EPS15: variants seen among roughly 807,000 people sequenced by gnomAD.
The protein encoded by EPS15 is epidermal growth factor receptor substrate 15.
Under a neutral mutation model 113.8 loss-of-function variants are expected in EPS15, and 72 were observed. The observed-to-expected ratio is 0.63, with a 90% CI of 0.52 to 0.77. The LOEUF (loss-of-function observed/expected upper bound fraction) is 0.77, where lower values mean the gene tolerates loss of function less well. Ranked by LOEUF, EPS15 falls within the 30% of genes least tolerant of loss-of-function variation. The probability of loss-of-function intolerance (pLI) is 0.00; values close to 1 mark genes in which losing one functional copy is unlikely to be tolerated. For missense variants in EPS15, 1,048 were observed against 1,045.8 expected, an observed-to-expected ratio of 1.00 and a Z score of -0.03; for synonymous variants, 344 against 363.4, an observed-to-expected ratio of 0.95 and a Z score of 0.61.
At chr1:51,402,580 A>G (rs1475444984) in intron 17 of EPS15, 55 bp from the exon 18 acceptor site, 1 of 933,310 alleles carries the variant, frequency 1.1e-6, no homozygotes, top group African/African-American at 1.7e-5. Context: ...TTTAAAAGGT[A>G]ACATTTTAAA....
In EPS15 at chr1:51,354,829, T is replaced by C. The variant is rs1257915934; in HGVS notation, c.*1871A>G. On this transcript the variant is annotated 3_prime_UTR_variant, in exon 25 of 25. Transcript: ENST00000371733. ...TAGGATACATTTATTACATTGAAAGTTGGTGTTTATAAGTTATAGATATTT... is the reference window on the plus strand; with the variant it reads ...TAGGATACATTTATTACATTGAAAGCTGGTGTTTATAAGTTATAGATATTT... 5.0e-6 allele frequency: 1 copy of C among 199,932 alleles called. No homozygotes were observed. The allele number at this position is 199,932 out of a possible 1,614,324, so 12.4% of individuals were successfully genotyped here.
intron 12 of EPS15, among the ~76,000 whole-genome samples, chr1:51,431,472 G>A (rs550004709): frequency 6.6e-6 from 1 of 151,212 alleles, no homozygotes; most frequent in East Asian, 1.9e-4. Context: ...TGGAGACAGA[G>A]TCTCACTCTG....
intron 21 of EPS15, among the ~76,000 whole-genome samples, chr1:51,368,598 CTTTTTTT>C (rs1228266658): frequency 7.2e-6 from 1 of 139,666 alleles, no homozygotes; most frequent in Non-Finnish European, 1.6e-5. Flanking sequence ...TTTTTTGTTT[CTTTTTTT>C]TTTTTTTTGG....
At chr1:51,439,573 T>C (rs1484793749) in intron 12 of EPS15, among the ~76,000 whole-genome samples, 1 of 152,108 alleles carries the variant, frequency 6.6e-6, no homozygotes, top group African/African-American at 2.4e-5. Flanking sequence ...TTATAGTCAT[T>C]TTTACAATCA....
chr1:51,391,168 C>T (rs1287434897), intron 21 of EPS15, among the ~76,000 whole-genome samples: 2 of 152,080 alleles, frequency 1.3e-5, no homozygotes, highest in East Asian at 3.9e-4. Flanking sequence ...TTTGTAGGGA[C>T]ATGGATGAAA....
intron 8 of EPS15, chr1:51,458,607 C>A: frequency 2.3e-6 from 1 of 431,794 alleles, no homozygotes; most frequent in African/African-American, 2.1e-5. Context: ...GGTGGTGGTG[C>A]ATGCCTGTAA....
intron 1 of EPS15, among the ~76,000 whole-genome samples, 165 bp from the exon 2 acceptor site, chr1:51,481,479 T>G (rs79239027): frequency 6.6e-6 from 1 of 152,264 alleles, no homozygotes; most frequent in East Asian, 1.9e-4. Context: ...AGACAGAGAA[T>G]AGATAAAGAT....
At chr1:51,380,287 T>A (rs995878331) in intron 21 of EPS15, among the ~76,000 whole-genome samples, 1 of 151,848 alleles carries the variant, frequency 6.6e-6, no homozygotes, top group African/African-American at 2.4e-5. Flanking sequence ...TGAAAGGATG[T>A]TAGACACCAA....
At chr1:51,511,240 T>C (rs72674568) in intron 1 of EPS15, among the ~76,000 whole-genome samples, 3,236 of 151,388 alleles carry the variant, frequency 0.021, 52 homozygotes, top group Non-Finnish European at 0.031. Flanking sequence ...CACACTATAA[T>C]CTCAATACTT....
chr1:51,426,452 GCTC>G (rs767056489), intron 12 of EPS15, among the ~76,000 whole-genome samples: 52 of 148,950 alleles, frequency 3.5e-4, no homozygotes, highest in Non-Finnish European at 6.2e-4. Flanking sequence ...GCAAGCCCTG[GCTC>G]CTGTCACCTC....
At chr1:51,456,778 T>G (rs72696150) in intron 8 of EPS15, among the ~76,000 whole-genome samples, 2,929 of 152,302 alleles carry the variant, frequency 0.019, 45 homozygotes, top group Non-Finnish European at 0.031. Context: ...CTTGCAGTAA[T>G]TATAATTTTT....
At chr1:51,376,147 T>G (rs1056164474) in intron 21 of EPS15, among the ~76,000 whole-genome samples, 1 of 152,232 alleles carries the variant, frequency 6.6e-6, no homozygotes, top group Non-Finnish European at 1.5e-5. Context: ...AAAGGACAGG[T>G]TGAGTCTCCT....
intron 13 of EPS15, among the ~76,000 whole-genome samples, chr1:51,410,262 G>A (rs578137004): frequency 2.6e-5 from 4 of 151,684 alleles, no homozygotes; most frequent in South Asian, 2.1e-4. Context: ...GTGGTAGTAC[G>A]TGCCTGTGGT....
At chr1:51,498,226 C>G (rs142452585) in intron 1 of EPS15, among the ~76,000 whole-genome samples, 1 of 152,268 alleles carries the variant, frequency 6.6e-6, no homozygotes, top group Admixed American at 6.5e-5. Context: ...AAGAAACACC[C>G]ACATACCCAT....
At chr1:51,388,527 G>C (rs1279289881) in intron 21 of EPS15, among the ~76,000 whole-genome samples, 1 of 152,110 alleles carries the variant, frequency 6.6e-6, no homozygotes, top group African/African-American at 2.4e-5. Flanking sequence ...ATGAATCCAG[G>C]AGCTGGTTTT....
intron 23 of EPS15, among the ~76,000 whole-genome samples, chr1:51,361,758 A>T (rs748852793): frequency 6.6e-6 from 1 of 152,218 alleles, no homozygotes; most frequent in East Asian, 1.9e-4. Context: ...CCTCAGCCTG[A>T]TAACAGTTAT....
chr1:51,356,954 G>T, intron 24 of EPS15, 108 bp from the exon 25 acceptor site: 1 of 844,584 alleles, frequency 1.2e-6, no homozygotes, highest in Non-Finnish European at 1.8e-6. Flanking sequence ...TCTGGAAATA[G>T]TCTGGTTACT....
intron 12 of EPS15, among the ~76,000 whole-genome samples, chr1:51,431,607 G>A (rs931026086): frequency 2.0e-5 from 3 of 151,904 alleles, no homozygotes; most frequent in Admixed American, 1.3e-4. Flanking sequence ...CACCACGCCC[G>A]ACTAATTTTT....
chr1:51,485,134 T>C (rs758229459), intron 1 of EPS15, among the ~76,000 whole-genome samples: 19 of 152,212 alleles, frequency 1.2e-4, no homozygotes, highest in Non-Finnish European at 2.4e-4. Context: ...CTATTTATCA[T>C]GGAGCTCTAG....
Sources: allele counts gnomAD v4.1 joint callset (sites outside exome capture counted in the v4.1 genomes callset), GRCh38; gene constraint gnomAD v4.1.1; transcripts MANE v1.5; gene names NCBI Gene and HGNC (gene_info 2026-07-23, HGNC 2026-07-21).